MTUS2: variants seen among roughly 807,000 people sequenced by gnomAD.
MTUS2 encodes microtubule associated scaffold protein 2.
A neutral mutation model predicts 114.1 loss-of-function variants in MTUS2; 40 were observed. The ratio of observed to expected loss-of-function variants is 0.35; its 90% CI spans 0.27 to 0.46. The LOEUF (loss-of-function observed/expected upper bound fraction) is 0.46. Among genes scored for constraint, MTUS2 ranks in the 20% least tolerant of loss-of-function variants. MTUS2 has a pLI of 1.00. For synonymous variants in MTUS2, 688 were observed against 672.0 expected (o/e 1.02, Z -0.37); for missense variants, 1,679 against 1,705.4 (o/e 0.98, Z 0.27).
At chr13:29,389,355 A>ACACGTGTG (rs1566172568) in intron 8 of MTUS2, among the ~76,000 whole-genome samples, 5,392 of 82,612 alleles carry the variant, frequency 0.065, 655 homozygotes, top group Middle Eastern at 0.1. Flanking sequence ...GTGTGTGTAT[A>ACACGTGTG]TATGTATGCA....
At chr13:28,888,321 A>C (rs1204043968) in intron 2 of MTUS2, among the ~76,000 whole-genome samples, 2 of 152,218 alleles carry the variant, frequency 1.3e-5, no homozygotes, top group African/African-American at 4.8e-5. Flanking sequence ...TTTAAATAGG[A>C]CAGTGAAAGT....
At chr13:29,100,658 A>T (rs1890371967) in intron 4 of MTUS2, 115 bp from the exon 5 acceptor site, 1 of 1,244,858 alleles carries the variant, frequency 8.0e-7, no homozygotes, top group Non-Finnish European at 1.1e-6. Flanking sequence ...CAAACCTTGC[A>T]AGATTAATTT....
intron 6 of MTUS2, among the ~76,000 whole-genome samples, chr13:29,284,553 A>G (rs529901857): frequency 5.9e-5 from 9 of 152,202 alleles, no homozygotes; most frequent in Non-Finnish European, 1.0e-4. Context: ...ATGTTAAAAG[A>G]TAATATCTAA....
intron 5 of MTUS2, among the ~76,000 whole-genome samples, chr13:29,256,491 C>A (rs1025887378): frequency 6.6e-6 from 1 of 152,228 alleles, no homozygotes; most frequent in African/African-American, 2.4e-5. Context: ...GAGGGCAAAG[C>A]ACCACGGAGG....
intron 6 of MTUS2, among the ~76,000 whole-genome samples, chr13:29,318,391 C>CT (rs71090240): frequency 0.65 from 88,012 of 135,056 alleles, 30,433 homozygotes; most frequent in East Asian, 0.79. Flanking sequence ...ATTTCTTTTT[C>CT]TTTTTTTTTT....
chr13:28,857,575 A>G (rs1876716089), intron 2 of MTUS2, among the ~76,000 whole-genome samples: 1 of 152,232 alleles, frequency 6.6e-6, no homozygotes, highest in Non-Finnish European at 1.5e-5. Context: ...AATGGTTTTG[A>G]AAGTCAAACT....
intron 5 of MTUS2, among the ~76,000 whole-genome samples, chr13:29,222,144 G>A (rs1285618909): frequency 6.6e-6 from 1 of 152,118 alleles, no homozygotes; most frequent in African/African-American, 2.4e-5. Flanking sequence ...GAAATAACTG[G>A]CAGTTCAGGA....
intron 2 of MTUS2, among the ~76,000 whole-genome samples, chr13:28,999,056 A>G (rs1365665181): frequency 1.3e-5 from 2 of 152,100 alleles, no homozygotes; most frequent in African/African-American, 4.8e-5. Context: ...GGTGATGTAC[A>G]GATAGGTTTT....
At chr13:28,889,130 G>A (rs1421642866) in intron 2 of MTUS2, among the ~76,000 whole-genome samples, 1 of 152,168 alleles carries the variant, frequency 6.6e-6, no homozygotes, top group Admixed American at 6.5e-5. Flanking sequence ...TGATGGTGGT[G>A]ACAGGTTCAT....
intron 5 of MTUS2, among the ~76,000 whole-genome samples, chr13:29,113,876 C>A (rs1593490562): frequency 6.6e-6 from 1 of 151,984 alleles, no homozygotes; most frequent in Non-Finnish European, 1.5e-5. Context: ...GGAGGTGGGG[C>A]CTGGTGTGAG....
chr13:28,912,519 T>A (rs1880501204), intron 2 of MTUS2, among the ~76,000 whole-genome samples: 1 of 152,080 alleles, frequency 6.6e-6, no homozygotes, highest in Admixed American at 6.5e-5. Flanking sequence ...CACATGAATT[T>A]TAAAACAGTT....
chr13:28,896,997 G>C (rs1879313988), intron 2 of MTUS2, among the ~76,000 whole-genome samples: 2 of 152,174 alleles, frequency 1.3e-5, no homozygotes, highest in African/African-American at 4.8e-5. Flanking sequence ...CATGGGCAAG[G>C]ACTTCATGTC....
At chr13:29,407,444 GTACT>G (rs1295602945) in intron 8 of MTUS2, among the ~76,000 whole-genome samples, 40 of 136,568 alleles carry the variant, frequency 2.9e-4, no homozygotes, top group East Asian at 2.5e-3. Flanking sequence ...CAGAGTGATT[GTACT>G]TATTTATTTA....
At chr13:29,058,777 T>G (rs1048855038) in intron 4 of MTUS2, among the ~76,000 whole-genome samples, 2 of 147,282 alleles carry the variant, frequency 1.4e-5, no homozygotes, top group Non-Finnish European at 3.0e-5. Context: ...TGTGTTCTCA[T>G]TGTTCAATTC....
chr13:29,420,234 A>ACTTT (rs1371360960), intron 8 of MTUS2, among the ~76,000 whole-genome samples: 1 of 146,626 alleles, frequency 6.8e-6, no homozygotes, highest in Non-Finnish European at 1.5e-5. Flanking sequence ...TCCTTCCTTA[A>ACTTT]CTTACTTTCT....
intron 2 of MTUS2, among the ~76,000 whole-genome samples, chr13:28,934,770 G>A (rs1410201598): frequency 1.3e-5 from 2 of 152,108 alleles, no homozygotes; most frequent in Admixed American, 6.5e-5. Context: ...TGATCTGGCC[G>A]CTTCGGCCTC....
intron 2 of MTUS2, among the ~76,000 whole-genome samples, chr13:29,022,482 G>T (rs1292276215): frequency 6.6e-6 from 1 of 152,218 alleles, no homozygotes; most frequent in Admixed American, 6.5e-5. Flanking sequence ...GAGCTACTGT[G>T]TCCAGCCCTC....
rs148929687 is a variant in MTUS2 at position 29,424,871 on chromosome 13, A to G, written c.3118-15112A>G. ...GGGTGGGGATTGCTGTTCATAGGAG[A>G]CCCAAGATACTTAAAACCTGATGTA... On this transcript the variant is annotated intron_variant, in intron 8 of 15. Transcript: ENST00000612955. Among the ~76,000 whole-genome samples the G allele has an allele frequency of 4.0e-3, 604 of 152,222 alleles. 6 individuals are homozygous for G. The highest frequency in any genetic ancestry group is 0.014 in the African/African-American group (578 of 41,514).
chr13:29,169,503 G>A (rs1056473318), intron 5 of MTUS2, among the ~76,000 whole-genome samples: 9 of 152,100 alleles, frequency 5.9e-5, no homozygotes, highest in Admixed American at 2.6e-4. Flanking sequence ...TTTAATTTAC[G>A]TGTGTGTCAG....
Sources: gnomAD v4.1 joint callset for allele counts (sites outside exome capture counted in the v4.1 genomes callset) on GRCh38, gnomAD v4.1.1 for gene constraint, MANE v1.5 for transcripts, NCBI Gene and HGNC (gene_info 2026-07-23, HGNC 2026-07-21) for gene names.